PLD1: variants seen among roughly 807,000 people sequenced by gnomAD.
The protein encoded by PLD1 is phospholipase D1.
In PLD1, 112 loss-of-function variants were observed where a neutral mutation model predicts 137.1. That is an observed-to-expected ratio of 0.82 (90% CI 0.70 to 0.96). PLD1 has a LOEUF of 0.96. PLD1 is among the 40% of genes least tolerant of loss of function. The pLI is 0.00. For synonymous variants in PLD1, 431 were observed against 454.7 expected (o/e 0.95, Z 0.66); for missense variants, 1,321 against 1,342.0 (o/e 0.98, Z 0.24).
chr3:171,679,551 C>T (rs972168150), intron 16 of PLD1, among the ~76,000 whole-genome samples: 3 of 152,146 alleles, frequency 2.0e-5, no homozygotes, highest in Non-Finnish European at 4.4e-5. Flanking sequence ...ATAAAATACA[C>T]ATATACAATT....
Position 171,708,228 on chromosome 3 carries a change from A to G in PLD1, c.1145+527T>C, listed in dbSNP as rs145725514. ...CCGATATGAGGCTTCTGGTGACTTTAATAAGCATAGCAACTCTTATGGATA... is the reference window on the plus strand; with the variant it reads ...CCGATATGAGGCTTCTGGTGACTTTGATAAGCATAGCAACTCTTATGGATA... On this transcript the variant is annotated intron_variant, in intron 11 of 26. Transcript: ENST00000351298. Among the ~76,000 whole-genome samples, 690 of 152,334 alleles carry G rather than the reference A, an allele frequency of 4.5e-3. 2 individuals are homozygous for G. The highest frequency in any genetic ancestry group is 0.016 in the African/African-American group (661 of 41,574).
chr3:171,754,911 T>C (rs527830548), intron 1 of PLD1, among the ~76,000 whole-genome samples: 1 of 152,258 alleles, frequency 6.6e-6, no homozygotes, highest in African/African-American at 2.4e-5. Context: ...TTATCCAAGG[T>C]CACCCTTGAG....
chr3:171,686,242 C>T (rs989614912), intron 16 of PLD1, among the ~76,000 whole-genome samples: 3 of 151,654 alleles, frequency 2.0e-5, no homozygotes, highest in African/African-American at 7.3e-5. Context: ...ATGCATTTTA[C>T]ACAATTTGAA....
chr3:171,800,497 C>A (rs1723601166), intron 1 of PLD1, among the ~76,000 whole-genome samples: 1 of 152,152 alleles, frequency 6.6e-6, no homozygotes, highest in Admixed American at 6.5e-5. Flanking sequence ...TCATGAACCA[C>A]CGTGCCTGGC....
intron 1 of PLD1, among the ~76,000 whole-genome samples, chr3:171,743,904 T>C (rs1034983204): frequency 1.3e-5 from 2 of 152,170 alleles, no homozygotes; most frequent in African/African-American, 2.4e-5. Flanking sequence ...TTAAGTGACA[T>C]AATCAATGAG....
At chr3:171,714,762 T>A (rs1717546099) in intron 8 of PLD1, among the ~76,000 whole-genome samples, 2 of 152,234 alleles carry the variant, frequency 1.3e-5, no homozygotes, top group African/African-American at 4.8e-5. Context: ...AATTTTTTTT[T>A]AATACATAAG....
intron 23 of PLD1, among the ~76,000 whole-genome samples, chr3:171,634,345 GT>G (rs1417608931): frequency 1.8e-4 from 27 of 152,126 alleles, no homozygotes; most frequent in Admixed American, 1.1e-3. Flanking sequence ...ATAATAAGCT[GT>G]TTTGCCCTAT....
chr3:171,760,758 G>C (rs1721338186), intron 1 of PLD1, among the ~76,000 whole-genome samples: 1 of 152,318 alleles, frequency 6.6e-6, no homozygotes, highest in Non-Finnish European at 1.5e-5. Flanking sequence ...AGGGGGACCT[G>C]AGGAACTCCA....
At chr3:171,655,288 T>C (rs960785197) in intron 21 of PLD1, among the ~76,000 whole-genome samples, 1 of 152,202 alleles carries the variant, frequency 6.6e-6, no homozygotes, top group Non-Finnish European at 1.5e-5. Context: ...GGATGGCACA[T>C]CATGGCACCT....
intron 1 of PLD1, among the ~76,000 whole-genome samples, chr3:171,804,032 A>G (rs1052181775): frequency 1.3e-5 from 2 of 152,226 alleles, no homozygotes; most frequent in African/African-American, 4.8e-5. Flanking sequence ...AAGCAGGAAT[A>G]ATGGTGACAT....
intron 11 of PLD1, among the ~76,000 whole-genome samples, chr3:171,701,308 T>C (rs1716216152): frequency 2.0e-5 from 3 of 152,310 alleles, no homozygotes; most frequent in Admixed American, 2.0e-4. Flanking sequence ...AGCACAGCAA[T>C]TGATCAGAAA....
rs371443508 is a variant in PLD1, at chr3:171,676,848, C to G, written c.1997-15G>C. The G allele has an allele frequency of 6.4e-7, 1 of 1,571,964 alleles. No homozygotes were observed. The highest frequency in any genetic ancestry group is 1.3e-5 in the African/African-American group (1 of 74,126). ...GTCAATGAAATCTGCCCGGGTGCAC[C>G]AGGCAAGGATCAGTCATTAACTTCA... is the stretch of plus-strand genomic sequence containing the variant. On this transcript the variant is annotated splice_polypyrimidine_tract_variant and intron_variant, in intron 17 of 26. Transcript: ENST00000351298.
At chr3:171,762,430 C>T (rs1721465372) in intron 1 of PLD1, among the ~76,000 whole-genome samples, 1 of 152,182 alleles carries the variant, frequency 6.6e-6, no homozygotes, top group Non-Finnish European at 1.5e-5. Flanking sequence ...GTGTCAGGGG[C>T]TGGGATGGGG....
intron 19 of PLD1, among the ~76,000 whole-genome samples, chr3:171,662,735 T>C (rs3821745): frequency 0.27 from 40,639 of 152,154 alleles, 5,919 homozygotes; most frequent in African/African-American, 0.35. Context: ...AAAAGGTAGG[T>C]CATTTGGCAT....
rs549663347 is a variant in PLD1, at chr3:171,700,544, C to T, written c.1146-718G>A. ...CAGAATCACTAAATCACTCTGCCAA[C>T]CTCAGGATTGCCCAACTTTAGACTT... On this transcript the variant is annotated intron_variant, in intron 11 of 26. Transcript: ENST00000351298. Among the ~76,000 whole-genome samples the T allele has an allele frequency of 5.9e-5, 9 of 152,298 alleles. No individual in the cohort carries two copies. In the South Asian group the frequency reaches 1.9e-3, roughly 32 times the overall value.
At position 171,736,728 on chromosome 3, in the gene PLD1, C is replaced by T. The variant is rs150368386; in HGVS notation, c.288+804G>A. On this transcript the variant is annotated intron_variant, in intron 3 of 26. Coordinates refer to ENST00000351298, the MANE Select transcript of PLD1 (RefSeq NM_002662.5). Reference sequence around the variant, plus strand: ...GACAGCTGGTTATTAATCTGTGCTTCCCCTGAGGCAGGAGGCAGTGGTGGC... The same window carrying T: ...GACAGCTGGTTATTAATCTGTGCTTTCCCTGAGGCAGGAGGCAGTGGTGGC... Among the ~76,000 whole-genome samples, 25 of 152,270 alleles carry T rather than the reference C, an allele frequency of 1.6e-4. No homozygotes were observed. In the Middle Eastern group the frequency reaches 0.014, roughly 83 times the overall value.
intron 1 of PLD1, chr3:171,809,689 A>T (rs1724032539): frequency 6.6e-6 from 1 of 152,326 alleles, no homozygotes; most frequent in African/African-American, 2.4e-5. Flanking sequence ...TGAGTCTACA[A>T]GGGCGGTTCT....
intron 1 of PLD1, among the ~76,000 whole-genome samples, chr3:171,750,467 G>GA (rs148999439): frequency 0.14 from 21,069 of 150,136 alleles, 1,508 homozygotes; most frequent in South Asian, 0.22. Flanking sequence ...AAATGGGGCA[G>GA]AAAAAAAAAT....
intron 23 of PLD1, among the ~76,000 whole-genome samples, chr3:171,632,193 C>A (rs1025469138): frequency 5.3e-5 from 8 of 151,946 alleles, no homozygotes; most frequent in African/African-American, 1.9e-4. Context: ...ATGGACATAC[C>A]CAAATTGAGG....
Sources: allele counts gnomAD v4.1 joint callset (sites outside exome capture counted in the v4.1 genomes callset), GRCh38; gene constraint gnomAD v4.1.1; transcripts MANE v1.5; gene names NCBI Gene and HGNC (gene_info 2026-07-23, HGNC 2026-07-21).